DPF3: variants seen among roughly 807,000 people sequenced by gnomAD.
DPF3 encodes the protein double PHD fingers 3, also known as zinc finger protein DPF3.
In DPF3, 18 loss-of-function variants were observed where a neutral mutation model predicts 56.8. That is an observed-to-expected ratio of 0.32 (90% CI 0.22 to 0.47). The LOEUF (loss-of-function observed/expected upper bound fraction) is 0.47, where lower values mean the gene tolerates loss of function less well. Ranked by LOEUF, DPF3 falls within the 20% of genes least tolerant of loss-of-function variation. The pLI is 1.00. For synonymous variants in DPF3, 188 were observed against 180.2 expected (o/e 1.04, Z -0.35); for missense variants, 403 against 488.8 (o/e 0.82, Z 1.65).
rs1884483361 is a variant in DPF3 at position 72,622,054 on chromosome 14, GC to G, written c.985-2071del. ...GCAAGTGAAGGTCCTAGGAGAGGAA[GC>G]CCAGAATGTGTGAGAGCAAATGTCT... On this transcript the variant is annotated intron_variant, in intron 9 of 10. Coordinates refer to ENST00000556509, the MANE Select transcript of DPF3 (RefSeq NM_001280542.3). 2.0e-5 allele frequency among the ~76,000 whole-genome samples: 3 copies of G among 152,300 alleles called. No individual in the cohort carries two copies. The South Asian group carries it at 6.2e-4, about 32-fold the overall frequency.
intron 9 of DPF3, among the ~76,000 whole-genome samples, chr14:72,620,500 C>G (rs917485982): frequency 6.6e-6 from 1 of 152,206 alleles, no homozygotes; most frequent in African/African-American, 2.4e-5. Context: ...CGCCATCCCT[C>G]GGCTTCCAGA....
intron 7 of DPF3, among the ~76,000 whole-genome samples, chr14:72,681,470 C>T (rs142353686): frequency 5.9e-5 from 9 of 152,322 alleles, no homozygotes; most frequent in East Asian, 3.9e-4. Context: ...TTCTGTCTCT[C>T]ACCAGGGACT....
At chr14:72,800,491 T>C (rs992183935) in intron 1 of DPF3, among the ~76,000 whole-genome samples, 1 of 151,874 alleles carries the variant, frequency 6.6e-6, no homozygotes, top group Non-Finnish European at 1.5e-5. Context: ...GATGCTTGGA[T>C]GGATGGATGG....
chr14:72,814,294 C>G (rs927013342), intron 1 of DPF3, among the ~76,000 whole-genome samples: 3 of 152,160 alleles, frequency 2.0e-5, no homozygotes, highest in Non-Finnish European at 4.4e-5. Context: ...ATATGCACTT[C>G]TCTTCTATGC....
intron 7 of DPF3, among the ~76,000 whole-genome samples, chr14:72,692,310 T>C (rs376793011): frequency 1.3e-5 from 2 of 152,296 alleles, no homozygotes; most frequent in East Asian, 1.9e-4. Context: ...GCTCTAAAGA[T>C]TCCATTATCC....
At chr14:72,751,216 A>T (rs558944559) in intron 3 of DPF3, among the ~76,000 whole-genome samples, 6 of 152,316 alleles carry the variant, frequency 3.9e-5, no homozygotes, top group African/African-American at 1.2e-4. Context: ...AAATAAAATT[A>T]AAAAAACTGT....
chr14:72,805,427 G>A (rs1428970914), intron 1 of DPF3, among the ~76,000 whole-genome samples: 3 of 151,512 alleles, frequency 2.0e-5, no homozygotes, highest in African/African-American at 4.9e-5. Flanking sequence ...CTGAGATCAC[G>A]CCATTGCACT....
At chr14:72,647,426 C>A (rs896272910) in intron 8 of DPF3, among the ~76,000 whole-genome samples, 1 of 152,188 alleles carries the variant, frequency 6.6e-6, no homozygotes, top group Non-Finnish European at 1.5e-5. Context: ...TTGCCAGAGA[C>A]CTGTGGGTCT....
intron 1 of DPF3, among the ~76,000 whole-genome samples, chr14:72,804,502 C>A (rs890651688): frequency 6.6e-6 from 1 of 152,328 alleles, no homozygotes. Flanking sequence ...AGTGCCCTTT[C>A]ACATTCATAT....
At chr14:72,620,998 A>T (rs1247852888) in intron 9 of DPF3, among the ~76,000 whole-genome samples, 1 of 152,126 alleles carries the variant, frequency 6.6e-6, no homozygotes, top group Non-Finnish European at 1.5e-5. Context: ...AAAATTAGCC[A>T]GGCATGGTGG....
At chr14:72,797,753 T>C (rs758913) in intron 1 of DPF3, among the ~76,000 whole-genome samples, 147,354 of 152,316 alleles carry the variant, frequency 0.97, 71,297 homozygotes, top group East Asian at 1. Context: ...ACGTAGGATG[T>C]GGTGATCGAA....
intron 1 of DPF3, among the ~76,000 whole-genome samples, chr14:72,809,600 G>A (rs1338085037): frequency 1.3e-5 from 2 of 152,226 alleles, no homozygotes; most frequent in African/African-American, 4.8e-5. Context: ...GCATGTGGCT[G>A]ATGGCAGGTC....
At chr14:72,823,271 A>C (rs1751715753) in intron 1 of DPF3, among the ~76,000 whole-genome samples, 1 of 152,232 alleles carries the variant, frequency 6.6e-6, no homozygotes, top group Admixed American at 6.5e-5. Context: ...CCAGCTGCCA[A>C]CATGGAATCT....
At chr14:72,631,922 T>C (rs75246170) in intron 8 of DPF3, among the ~76,000 whole-genome samples, 2,914 of 152,282 alleles carry the variant, frequency 0.019, 99 homozygotes, top group African/African-American at 0.066. Flanking sequence ...ATGTGTCAGA[T>C]GAGACGTTAG....
At chr14:72,875,845 C>T (rs931732962) in intron 1 of DPF3, among the ~76,000 whole-genome samples, 2 of 152,156 alleles carry the variant, frequency 1.3e-5, no homozygotes, top group African/African-American at 4.8e-5. Context: ...GGCAGCACTA[C>T]CATCAGAATA....
Position 72,874,593 on chromosome 14 carries a change from G to A in DPF3, c.32+19464C>T, listed in dbSNP as rs181606072. Among the ~76,000 whole-genome samples the A allele has an allele frequency of 3.0e-3, 453 of 152,268 alleles. 2 individuals carry two copies. Among genetic ancestry groups the A allele is most frequent in the African/African-American group, 0.01 (434 of 41,558 alleles). ...GAGTCTCTAGGGGAGGGGGCAAAAT[G>A]CCGCCAGTCTCTTCGCTAAAACATA... On this transcript the variant is annotated intron_variant, in intron 1 of 10. Transcript: ENST00000556509.
At chr14:72,619,881 T>C in intron 10 of DPF3, 22 bp downstream of exon 10, 1 of 1,524,718 alleles carries the variant, frequency 6.6e-7, no homozygotes, top group South Asian at 1.2e-5. Context: ...GCTGTTCTTA[T>C]TGTTGACTTC....
At position 72,884,953 on chromosome 14, in the gene DPF3, T is replaced by TATATATATAC. The variant is rs1555516749; in HGVS notation, c.32+9103_32+9104insGTATATATAT. 1.1e-4 allele frequency among the ~76,000 whole-genome samples: 8 copies of TATATATATAC among 73,780 alleles called. 2 individuals carry two copies. The highest frequency in any genetic ancestry group is 1.1e-3 in the South Asian group (2 of 1,864). The allele number at this position is 73,780 out of a possible 152,430, so 48.4% of individuals were successfully genotyped here. Reference sequence around the variant, plus strand: ...CTACTAAAAATACTATATATATATATATATATATATATATATATTAGCCGG... The same window carrying TATATATATAC: ...CTACTAAAAATACTATATATATATATATATATATACATATATATATATATATATTAGCCGG... On this transcript the variant is annotated intron_variant, in intron 1 of 10. Transcript: ENST00000556509.
chr14:72,823,549 T>C (rs1330963379), intron 1 of DPF3, among the ~76,000 whole-genome samples: 1 of 152,174 alleles, frequency 6.6e-6, no homozygotes, highest in Non-Finnish European at 1.5e-5. Flanking sequence ...CCCACTGTTA[T>C]ATACGGGCTG....
Sources: allele counts gnomAD v4.1 joint callset (sites outside exome capture counted in the v4.1 genomes callset), GRCh38; gene constraint gnomAD v4.1.1; transcripts MANE v1.5; gene names NCBI Gene and HGNC (gene_info 2026-07-23, HGNC 2026-07-21).